Variants in CARS2 observed in about 807,000 individuals in gnomAD.
The protein encoded by CARS2 is cysteinyl-tRNA synthetase 2, mitochondrial, also known as probable cysteine--tRNA ligase, mitochondrial.
In CARS2, 52 loss-of-function variants were observed where a neutral mutation model predicts 68.8. The observed-to-expected ratio is 0.76, with a 90% CI of 0.61 to 0.95. The LOEUF (loss-of-function observed/expected upper bound fraction) is 0.95, where lower values mean the gene tolerates loss of function less well. Among genes scored for constraint, CARS2 ranks in the 40% least tolerant of loss-of-function variants. The pLI is 0.00. For missense variants in CARS2, 780 were observed against 754.2 expected (o/e 1.03, Z -0.40); for synonymous variants, 314 against 303.6 (o/e 1.03, Z -0.36).
intron 3 of CARS2, among the ~76,000 whole-genome samples, chr13:110,695,017 T>C (rs1594399340): frequency 6.6e-6 from 1 of 152,264 alleles, no homozygotes; most frequent in East Asian, 1.9e-4. Context: ...GCACAGTGAC[T>C]CATGCCTGTA....
intron 5 of CARS2, among the ~76,000 whole-genome samples, chr13:110,685,306 T>C (rs1367101049): frequency 1.3e-5 from 2 of 149,916 alleles, no homozygotes; most frequent in Non-Finnish European, 2.9e-5. Flanking sequence ...CAAGACTCTG[T>C]CTCAAAAAAA....
chr13:110,669,469 T>C (rs1026803518), intron 7 of CARS2, among the ~76,000 whole-genome samples: 4 of 152,252 alleles, frequency 2.6e-5, no homozygotes, highest in Admixed American at 2.6e-4. Flanking sequence ...TTAAAATGTT[T>C]ACCTTAATCA....
intron 8 of CARS2, chr13:110,664,254 A>T: frequency 1.0e-6 from 1 of 957,254 alleles, no homozygotes. Flanking sequence ...CACCCGTAAT[A>T]CCAGCCCTTT....
upstream of CARS2, among the ~76,000 whole-genome samples, chr13:110,709,039 G>C (rs1021063391): frequency 6.6e-6 from 1 of 151,086 alleles, no homozygotes; most frequent in Non-Finnish European, 1.5e-5. Context: ...TGGGAATACC[G>C]GCCTAAGCCA....
intron 3 of CARS2, among the ~76,000 whole-genome samples, chr13:110,688,593 A>G (rs754792827): frequency 6.6e-6 from 1 of 150,384 alleles, no homozygotes; most frequent in East Asian, 1.9e-4. Context: ...TCCTCAGGAG[A>G]AAAAAAAAAT....
chr13:110,701,211 C>G, intron 3 of CARS2: 1 of 331,820 alleles, frequency 3.0e-6, no homozygotes, highest in East Asian at 5.8e-5. Context: ...TTACAGGAGC[C>G]CGCCACCACA....
rs959890113 is a variant in CARS2, at chr13:110,653,848, C to A, written c.988-2748G>T. 6.6e-6 allele frequency among the ~76,000 whole-genome samples: 1 copy of A among 152,228 alleles called. No individual in the cohort carries two copies. Among genetic ancestry groups the A allele is most frequent in the East Asian group, 1.9e-4 (1 of 5,200 alleles). Reference sequence around the variant, plus strand: ...AAAACTCTTGAATACTGTGGGTGCACACGGACATTAATTTTTTAGCGTGTT... The same window carrying A: ...AAAACTCTTGAATACTGTGGGTGCAAACGGACATTAATTTTTTAGCGTGTT... On this transcript the variant is annotated intron_variant, in intron 9 of 14. Transcript: ENST00000257347. The surrounding 1 kb of genome is among the most constrained non-coding windows in gnomAD (Gnocchi z 5.6).
intron 12 of CARS2, 25 bp from the exon 13 acceptor site, chr13:110,644,508 C>T: frequency 1.2e-6 from 2 of 1,613,534 alleles, no homozygotes; most frequent in African/African-American, 1.3e-5. Context: ...GTCGCAGAAG[C>T]TCCTTAAAAG....
intron 5 of CARS2, among the ~76,000 whole-genome samples, chr13:110,684,884 G>C (rs942258973): frequency 2.6e-5 from 4 of 152,124 alleles, no homozygotes; most frequent in African/African-American, 9.7e-5. Flanking sequence ...TTACAACCAA[G>C]CCCTTGTGGA....
intron 6 of CARS2, among the ~76,000 whole-genome samples, chr13:110,680,147 AGGGGGGGGG>A (rs56104854): frequency 9.0e-5 from 11 of 122,842 alleles, no homozygotes; most frequent in South Asian, 2.6e-4. Context: ...TGGGAGGCCG[AGGGGGGGGG>A]GGGGGGGGGT....
At position 110,665,638 on chromosome 13, in the gene CARS2, A is replaced by G; in HGVS notation, c.919+1702T>C. 3.0e-6 allele frequency: 3 copies of G among 985,436 alleles called. No individual in the cohort carries two copies. The highest frequency in any genetic ancestry group is 2.4e-6 in the Non-Finnish European group (2 of 829,952). The allele number at this position is 985,436 out of a possible 1,614,324, so 61.0% of individuals were successfully genotyped here. A position where few individuals can be genotyped will look rare whatever the true frequency, so the allele number is the denominator to read the frequency against. On this transcript the variant is annotated intron_variant, in intron 8 of 14. Transcript: ENST00000257347. The surrounding 1 kb of genome is among the most constrained non-coding windows in gnomAD (Gnocchi z 4.3). ...GGTTGTCAGTAACAAACCCTGACCTACTGAACAGGATAAACCTGCAGACAG... is the reference window on the plus strand; with the variant it reads ...GGTTGTCAGTAACAAACCCTGACCTGCTGAACAGGATAAACCTGCAGACAG...
chr13:110,694,688 A>G (rs922595940), intron 3 of CARS2, among the ~76,000 whole-genome samples: 6 of 152,104 alleles, frequency 3.9e-5, no homozygotes, highest in African/African-American at 9.7e-5. Flanking sequence ...TACCTCTTTT[A>G]ATTCTTACCC....
chr13:110,712,843 C>A, intron 1 of CARS2: 1 of 1,050,424 alleles, frequency 9.5e-7, no homozygotes, highest in Non-Finnish European at 1.4e-6. Context: ...GAAGCAGCTT[C>A]CCTCTCAGGC....
At chr13:110,643,132 G>A (rs1887627785) in intron 13 of CARS2, 2 of 225,828 alleles carry the variant, frequency 8.9e-6, no homozygotes, top group Non-Finnish European at 1.8e-5. Context: ...CTCAGTTATT[G>A]CTTCCATGAT....
upstream of CARS2, among the ~76,000 whole-genome samples, chr13:110,708,380 A>C (rs2064000853): frequency 6.6e-6 from 1 of 152,242 alleles, no homozygotes; most frequent in South Asian, 2.1e-4. Flanking sequence ...GAATTCAAGG[A>C]AATAACTGGA....
At chr13:110,679,589 AAGAAAGAAAGAGAGAGAGAGAGAG>A (rs2063086228) in intron 6 of CARS2, among the ~76,000 whole-genome samples, 2 of 83,884 alleles carry the variant, frequency 2.4e-5, no homozygotes, top group Non-Finnish European at 4.5e-5. Context: ...GAAAGAAAGA[AAGAAAGAAAGAGAGAGAGAGAGAG>A]AGAGAGAGAG....
At chr13:110,700,315 G>A (rs2063747425) in intron 3 of CARS2, among the ~76,000 whole-genome samples, 1 of 152,234 alleles carries the variant, frequency 6.6e-6, no homozygotes, top group East Asian at 1.9e-4. Flanking sequence ...CTCGGGGACA[G>A]GGACAACACC....
chr13:110,673,135 G>A (rs144955355), intron 7 of CARS2, among the ~76,000 whole-genome samples: 1 of 152,278 alleles, frequency 6.6e-6, no homozygotes, highest in African/African-American at 2.4e-5. Context: ...TCTACCAGAG[G>A]TACAAGGAGG....
chr13:110,676,822 G>C lies in CARS2; in HGVS notation c.785+152C>G. 1.0e-6 allele frequency: 1 copy of C among 989,304 alleles called. No individual in the cohort carries two copies. Among genetic ancestry groups the C allele is most frequent in the Non-Finnish European group, 1.4e-6 (1 of 697,082 alleles). 61.3% of individuals were successfully genotyped at this position (989,304 alleles called of 1,614,324 possible). A position where few individuals can be genotyped will look rare whatever the true frequency, so the allele number is the denominator to read the frequency against. On this transcript the variant is annotated intron_variant, in intron 7 of 14. Transcript: ENST00000257347. The surrounding 1 kb of genome is among the most constrained non-coding windows in gnomAD (Gnocchi z 4.0). ...TGGGTTTCGTTCACCCCGTTCCATG[G>C]CCCGTCACACTCCGGCAAAAATCTC...
Sources: allele counts gnomAD v4.1 joint callset (sites outside exome capture counted in the v4.1 genomes callset), GRCh38; gene constraint gnomAD v4.1.1; non-coding constraint Gnocchi (gnomAD v3.1); transcripts MANE v1.5; gene names NCBI Gene and HGNC (gene_info 2026-07-23, HGNC 2026-07-21).